STRN3: variants seen among roughly 807,000 people sequenced by gnomAD.
STRN3 encodes striatin 3, also known as striatin-3.
In STRN3, 29 loss-of-function variants were observed where a neutral mutation model predicts 95.6. The ratio of observed to expected loss-of-function variants is 0.30; its 90% CI spans 0.23 to 0.41. The LOEUF (loss-of-function observed/expected upper bound fraction) is 0.41. Ranked by LOEUF, STRN3 falls within the 10% of genes least tolerant of loss-of-function variation. The pLI, the probability that STRN3 is intolerant of heterozygous loss-of-function variation, is 1.00. For missense variants in STRN3, 890 were observed against 972.1 expected (o/e 0.92, Z 1.12); for synonymous variants, 331 against 357.6 (o/e 0.93, Z 0.84).
chr14:31,007,145 GA>G (rs1323732612), intron 1 of STRN3, among the ~76,000 whole-genome samples: 15 of 152,152 alleles, frequency 9.9e-5, no homozygotes, highest in Non-Finnish European at 1.6e-4. Flanking sequence ...TCAGTAAAAT[GA>G]AAGAGTAAGC....
chr14:30,931,755 A>G (rs2139059797), intron 7 of STRN3, among the ~76,000 whole-genome samples: 1 of 152,378 alleles, frequency 6.6e-6, no homozygotes, highest in South Asian at 2.1e-4. Flanking sequence ...TTAAACTCAG[A>G]CTATCTAACA....
intron 1 of STRN3, among the ~76,000 whole-genome samples, chr14:30,964,989 G>A (rs1010856446): frequency 6.6e-6 from 1 of 152,000 alleles, no homozygotes; most frequent in African/African-American, 2.4e-5. Flanking sequence ...TGTTGCAGGA[G>A]CTTGCTCTAG....
At chr14:30,905,017 AG>A (rs1389037918) in intron 15 of STRN3, among the ~76,000 whole-genome samples, 1 of 151,898 alleles carries the variant, frequency 6.6e-6, no homozygotes, top group Non-Finnish European at 1.5e-5. Context: ...GGATGAAGAG[AG>A]ACCTGAGAGA....
intron 13 of STRN3, among the ~76,000 whole-genome samples, chr14:30,910,275 T>C (rs970476044): frequency 2.0e-5 from 3 of 152,232 alleles, no homozygotes; most frequent in African/African-American, 4.8e-5. Flanking sequence ...CTCTATCTTC[T>C]TATCATTTAT....
intron 1 of STRN3, among the ~76,000 whole-genome samples, chr14:31,024,153 A>G (rs1205155904): frequency 6.6e-6 from 1 of 152,192 alleles, no homozygotes; most frequent in Non-Finnish European, 1.5e-5. Context: ...AGCTGCTTAC[A>G]TTAGTGAAGT....
intron 4 of STRN3, among the ~76,000 whole-genome samples, chr14:30,949,809 A>C (rs1879552259): frequency 6.6e-6 from 1 of 152,220 alleles, no homozygotes; most frequent in South Asian, 2.1e-4. Flanking sequence ...GCTATGTGGT[A>C]AAAGTTTAGA....
rs748158818 is a variant in STRN3, at chr14:30,947,152, C to A, written c.654G>T (p.Lys218Asn). Residue 218 changes from lysine (K) to asparagine (N), a missense_variant, in exon 5 of 18, where the codon AAG (lysine) becomes AAT (asparagine). Coordinates refer to ENST00000357479, the MANE Select transcript of STRN3 (RefSeq NM_001083893.2). ...CTCCATTCAGGATCTGTTCTAAATT[C>A]TTTGTTTCTACTGATCCATTTGGTT... ...NSEPNGSVET[K>N]NLEQILNGGE... 2 of 1,612,292 alleles carry A rather than the reference C, an allele frequency of 1.2e-6. No individual in the cohort carries two copies. Among genetic ancestry groups the A allele is most frequent in the Admixed American group, 1.7e-5 (1 of 59,646 alleles).
intron 3 of STRN3, among the ~76,000 whole-genome samples, chr14:30,951,744 A>AC (rs1879651110): frequency 6.6e-6 from 1 of 152,174 alleles, no homozygotes; most frequent in Non-Finnish European, 1.5e-5. Flanking sequence ...ACTAAAATTA[A>AC]ACCAGAAAAT....
At chr14:30,982,098 C>CAAA (rs11451891) in intron 1 of STRN3, among the ~76,000 whole-genome samples, 41,818 of 75,432 alleles carry the variant, frequency 0.55, 12,674 homozygotes, top group Non-Finnish European at 0.64. Flanking sequence ...CTCTGTCTCA[C>CAAA]AAAAAAAAAA....
At chr14:30,917,993 C>T (rs1426463971) in intron 9 of STRN3, among the ~76,000 whole-genome samples, 2 of 152,062 alleles carry the variant, frequency 1.3e-5, no homozygotes, top group Non-Finnish European at 2.9e-5. Flanking sequence ...TAGAGTTATA[C>T]ATGATTCAAG....
At chr14:30,947,029 G>A (rs1192067039) in intron 5 of STRN3, 61 bp downstream of exon 5, 5 of 1,164,286 alleles carry the variant, frequency 4.3e-6, no homozygotes, top group East Asian at 2.9e-5. Context: ...GAGCTAAAGA[G>A]ATTAACAATA....
At chr14:30,976,868 T>C (rs1881128491) in intron 1 of STRN3, among the ~76,000 whole-genome samples, 1 of 152,158 alleles carries the variant, frequency 6.6e-6, no homozygotes. Flanking sequence ...GGTGGGGAGA[T>C]TACCTGAGCT....
intron 1 of STRN3, among the ~76,000 whole-genome samples, chr14:30,994,308 T>C (rs1260321761): frequency 1.3e-5 from 2 of 152,210 alleles, no homozygotes; most frequent in African/African-American, 4.8e-5. Flanking sequence ...TCATATACTT[T>C]AGATATCTTC....
intron 1 of STRN3, among the ~76,000 whole-genome samples, chr14:31,014,020 G>A (rs997647812): frequency 2.6e-5 from 4 of 151,216 alleles, no homozygotes; most frequent in African/African-American, 7.3e-5. Flanking sequence ...CTCCCGTCCC[G>A]GTTTCCCGAG....
At chr14:30,933,661 TAGTA>T (rs1367796274) in intron 7 of STRN3, among the ~76,000 whole-genome samples, 7 of 152,280 alleles carry the variant, frequency 4.6e-5, no homozygotes, top group African/African-American at 1.7e-4. Flanking sequence ...CATTTTCAAA[TAGTA>T]AGTACAAAAA....
intron 16 of STRN3, among the ~76,000 whole-genome samples, chr14:30,896,467 C>T (rs1896152669): frequency 6.6e-6 from 1 of 151,206 alleles, no homozygotes; most frequent in South Asian, 2.1e-4. Context: ...TGTGAGTGGC[C>T]ACTGTACTCT....
intron 1 of STRN3, among the ~76,000 whole-genome samples, chr14:30,988,996 A>T (rs905285193): frequency 1.3e-5 from 2 of 152,228 alleles, no homozygotes. Context: ...GTAAGATAGA[A>T]GAATCAGGAC....
intron 1 of STRN3, among the ~76,000 whole-genome samples, chr14:30,968,139 T>C (rs957262255): frequency 3.3e-5 from 5 of 152,150 alleles, no homozygotes; most frequent in African/African-American, 1.2e-4. Flanking sequence ...ATAATTGAAA[T>C]ACCAAACTTA....
chr14:30,956,753 T>C (rs978140152), intron 1 of STRN3, among the ~76,000 whole-genome samples: 2 of 152,174 alleles, frequency 1.3e-5, no homozygotes, highest in Non-Finnish European at 2.9e-5. Flanking sequence ...ATTCCTAACA[T>C]ACAATTCACA....
Sources: allele counts gnomAD v4.1 joint callset (sites outside exome capture counted in the v4.1 genomes callset), GRCh38; gene constraint gnomAD v4.1.1; transcripts MANE v1.5; gene names NCBI Gene and HGNC (gene_info 2026-07-23, HGNC 2026-07-21).